CACNB2: variants seen among roughly 807,000 people sequenced by gnomAD.
CACNB2 encodes calcium voltage-gated channel auxiliary subunit beta 2, also known as voltage-dependent L-type calcium channel subunit beta-2.
A neutral mutation model predicts 73.3 loss-of-function variants in CACNB2; 42 were observed. The ratio of observed to expected loss-of-function variants is 0.57; its 90% CI spans 0.45 to 0.74. The LOEUF is 0.74. Ranked by LOEUF, CACNB2 falls within the 30% of genes least tolerant of loss-of-function variation. CACNB2 has a pLI of 0.00. For missense variants in CACNB2, 940 were observed against 853.0 expected (o/e 1.10, Z -1.27); for synonymous variants, 348 against 310.3 (o/e 1.12, Z -1.28).
At chr10:18,307,545 C>T (rs981815684) in intron 2 of CACNB2, among the ~76,000 whole-genome samples, 1 of 152,146 alleles carries the variant, frequency 6.6e-6, no homozygotes, top group Non-Finnish European at 1.5e-5. Flanking sequence ...TCCCCACTTC[C>T]CTACTAAATT....
Position 18,444,583 on chromosome 10 carries a change from G to A in CACNB2, c.333+42540G>A, listed in dbSNP as rs955886908. Reference sequence around the variant, plus strand: ...GAGACTGTGAAGTCACTTGTGCAACGTCCCACAGCTAGGAAAAAAGTAAGC... The same window carrying A: ...GAGACTGTGAAGTCACTTGTGCAACATCCCACAGCTAGGAAAAAAGTAAGC... On this transcript the variant is annotated intron_variant, in intron 3 of 13. Transcript: ENST00000324631. Among the ~76,000 whole-genome samples, 11 of 152,202 alleles carry A rather than the reference G, an allele frequency of 7.2e-5. No homozygotes were observed. The South Asian group carries it at 1.2e-3, about 17-fold the overall frequency.
intron 6 of CACNB2, among the ~76,000 whole-genome samples, chr10:18,511,441 T>C (rs2050778334): frequency 6.6e-6 from 1 of 152,206 alleles, no homozygotes; most frequent in Non-Finnish European, 1.5e-5. Flanking sequence ...GTAATGCCTG[T>C]CAGATGATCT....
intron 3 of CACNB2, among the ~76,000 whole-genome samples, chr10:18,459,127 G>T (rs1393032167): frequency 1.3e-5 from 2 of 152,068 alleles, no homozygotes; most frequent in African/African-American, 4.8e-5. Flanking sequence ...GCTCAACATT[G>T]AAGATACTAT....
intron 2 of CACNB2, among the ~76,000 whole-genome samples, chr10:18,366,395 G>A (rs2042351648): frequency 1.3e-5 from 2 of 151,486 alleles, no homozygotes; most frequent in Admixed American, 1.3e-4. Flanking sequence ...AACCCGGGAG[G>A]CGGAGCTTGC....
intron 2 of CACNB2, among the ~76,000 whole-genome samples, chr10:18,345,767 T>A (rs2041424384): frequency 6.6e-6 from 1 of 152,234 alleles, no homozygotes; most frequent in Non-Finnish European, 1.5e-5. Flanking sequence ...AGTATTCGCA[T>A]AATTAGAAAT....
chr10:18,239,428 CA>C (rs1452076139), intron 2 of CACNB2, among the ~76,000 whole-genome samples: 3 of 152,134 alleles, frequency 2.0e-5, no homozygotes, highest in Non-Finnish European at 2.9e-5. Context: ...TCACTTAAGA[CA>C]ATGGCCTCCA....
chr10:18,262,034 G>A (rs2037570921), intron 2 of CACNB2: 1 of 518,620 alleles, frequency 1.9e-6, no homozygotes, highest in Admixed American at 1.9e-5. Flanking sequence ...CCTTTTGCGA[G>A]CAGCTACTCT....
At chr10:18,286,837 G>A (rs146441612) in intron 2 of CACNB2, among the ~76,000 whole-genome samples, 166 of 152,216 alleles carry the variant, frequency 1.1e-3, no homozygotes, top group African/African-American at 3.7e-3. Context: ...TTAAAGCAAT[G>A]CTAAGTTTCA....
intron 3 of CACNB2, among the ~76,000 whole-genome samples, chr10:18,449,881 C>G (rs1239686894): frequency 6.6e-6 from 1 of 152,136 alleles, no homozygotes; most frequent in Admixed American, 6.6e-5. Context: ...TCAGAAAGGT[C>G]ACACACCAGG....
chr10:18,213,590 C>G (rs1418454904), intron 2 of CACNB2, among the ~76,000 whole-genome samples: 1 of 152,088 alleles, frequency 6.6e-6, no homozygotes, highest in Non-Finnish European at 1.5e-5. Flanking sequence ...TTCTGCAAAC[C>G]AAAGCACTTT....
intron 2 of CACNB2, among the ~76,000 whole-genome samples, chr10:18,182,807 A>G (rs1248671391): frequency 6.7e-6 from 1 of 148,892 alleles, no homozygotes; most frequent in Non-Finnish European, 1.5e-5. Context: ...AGGTGACAGA[A>G]TGAGACTCTG....
At chr10:18,445,928 G>T (rs1044751978) in intron 3 of CACNB2, among the ~76,000 whole-genome samples, 9 of 152,200 alleles carry the variant, frequency 5.9e-5, no homozygotes, top group African/African-American at 2.2e-4. Flanking sequence ...CAGCTACTCA[G>T]GAGGCTGAGG....
At chr10:18,342,133 T>G (rs868679569) in intron 2 of CACNB2, among the ~76,000 whole-genome samples, 61 of 152,228 alleles carry the variant, frequency 4.0e-4, no homozygotes, top group African/African-American at 1.4e-3. Context: ...TAAACTTGCT[T>G]GCTTTTTAAG....
chr10:18,181,805 A>G (rs898835351), intron 2 of CACNB2: 2 of 150,418 alleles, frequency 1.3e-5, no homozygotes, highest in African/African-American at 4.9e-5. Flanking sequence ...TTTTTTTTAC[A>G]GAGATGGAGT....
At position 18,171,490 on chromosome 10, in the gene CACNB2, C is replaced by G. The variant is rs2033223441; in HGVS notation, c.213+20515C>G. Among the ~76,000 whole-genome samples the G allele has an allele frequency of 4.7e-5, 6 of 126,370 alleles. 1 individual carries two copies. The South Asian group carries it at 1.6e-3, about 33-fold the overall frequency. 82.9% of individuals were successfully genotyped at this position (126,370 alleles called of 152,430 possible). A position where few individuals can be genotyped will look rare whatever the true frequency, so the allele number is the denominator to read the frequency against. On this transcript the variant is annotated intron_variant, in intron 2 of 13. Transcript: ENST00000324631. ...GGCAGCAACATGGCAGTTGGAAGCT[C>G]CAGGCTCCCTTCTTCCCGGCTTTGA...
At chr10:18,502,371 C>G (rs1216105814) in intron 5 of CACNB2, among the ~76,000 whole-genome samples, 2 of 151,352 alleles carry the variant, frequency 1.3e-5, no homozygotes, top group East Asian at 2.0e-4. Context: ...GCCATTATCC[C>G]AAGCAAACTA....
At chr10:18,514,964 A>G in intron 7 of CACNB2, 1 of 1,600,068 alleles carries the variant, frequency 6.2e-7, no homozygotes, top group Non-Finnish European at 8.6e-7. Context: ...CAGTATTTAA[A>G]CTTCTAATCC....
At chr10:18,217,376 C>T (rs994590128) in intron 2 of CACNB2, among the ~76,000 whole-genome samples, 7 of 151,904 alleles carry the variant, frequency 4.6e-5, no homozygotes, top group Admixed American at 2.0e-4. Flanking sequence ...CCCAGTAACT[C>T]GGTAGGCTGA....
intron 2 of CACNB2, among the ~76,000 whole-genome samples, chr10:18,171,543 A>AAAAAAAAAAAG (rs1564314409): frequency 9.4e-5 from 13 of 138,888 alleles, no homozygotes; most frequent in African/African-American, 3.9e-4. Context: ...AAAAAAAAAA[A>AAAAAAAAAAAG]AAAAAAGGCT....
Sources: gnomAD v4.1 joint callset for allele counts (sites outside exome capture counted in the v4.1 genomes callset) on GRCh38, gnomAD v4.1.1 for gene constraint, MANE v1.5 for transcripts, NCBI Gene and HGNC (gene_info 2026-07-23, HGNC 2026-07-21) for gene names.